TRERF1: variants seen among roughly 807,000 people sequenced by gnomAD.
The protein encoded by TRERF1 is transcriptional regulating factor 1, also known as transcriptional-regulating factor 1.
A neutral mutation model predicts 122.9 loss-of-function variants in TRERF1; 27 were observed. The observed-to-expected ratio is 0.22, with a 90% CI of 0.16 to 0.30. The LOEUF (loss-of-function observed/expected upper bound fraction) is 0.30, where lower values mean the gene tolerates loss of function less well. Among genes scored for constraint, TRERF1 ranks in the 10% least tolerant of loss-of-function variants. The pLI is 1.00. For synonymous variants in TRERF1, 636 were observed against 641.7 expected, an observed-to-expected ratio of 0.99 and a Z score of 0.13; for missense variants, 1,248 against 1,560.3, an observed-to-expected ratio of 0.80 and a Z score of 3.37.
At chr6:42,314,897 AG>A (rs2150381860) in intron 3 of TRERF1, among the ~76,000 whole-genome samples, 1 of 152,332 alleles carries the variant, frequency 6.6e-6, no homozygotes, top group East Asian at 1.9e-4. Context: ...AAAACAAAAC[AG>A]AAGTATAAAC....
chr6:42,436,847 A>ATG (rs1785534274), intron 2 of TRERF1, among the ~76,000 whole-genome samples: 6 of 132,016 alleles, frequency 4.5e-5, no homozygotes, highest in African/African-American at 1.7e-4. Context: ...ATATATATAT[A>ATG]TGAACTACTT....
chr6:42,430,686 G>A (rs1294393168), intron 2 of TRERF1, among the ~76,000 whole-genome samples: 1 of 152,124 alleles, frequency 6.6e-6, no homozygotes, highest in African/African-American at 2.4e-5. Context: ...ACGAGGTCAG[G>A]AGATGGAGAC....
rs567998953 is a variant in TRERF1 at position 42,412,023 on chromosome 6, G to A, written c.-454+39154C>T. 1.1e-4 allele frequency among the ~76,000 whole-genome samples: 12 copies of A among 113,442 alleles called. No individual in the cohort carries two copies. The East Asian group carries it at 2.0e-3, about 19-fold the overall frequency. 74.4% of individuals were successfully genotyped at this position (113,442 alleles called of 152,430 possible). On this transcript the variant is annotated intron_variant, in intron 2 of 17. Coordinates refer to ENST00000372922, the Ensembl canonical transcript of TRERF1. ...TCCTTTTTTTTTTTTTTTTTGAGAC[G>A]GAGTTTTGCTCTTGTTGCCCAGGCT... is the stretch of plus-strand genomic sequence containing the variant.
intron 4 of TRERF1, among the ~76,000 whole-genome samples, chr6:42,299,496 G>A (rs981787092): frequency 7.2e-5 from 11 of 152,098 alleles, no homozygotes; most frequent in African/African-American, 2.7e-4. Context: ...GCATTGCAAG[G>A]AGCAACTGAC....
intron 3 of TRERF1, among the ~76,000 whole-genome samples, chr6:42,322,867 T>A (rs778254635): frequency 4.6e-5 from 7 of 151,976 alleles, no homozygotes; most frequent in Non-Finnish European, 8.8e-5. Context: ...CTCCTACTGG[T>A]GCCTCCTACT....
chr6:42,307,938 G>A (rs1196628491), intron 3 of TRERF1, among the ~76,000 whole-genome samples: 3 of 152,210 alleles, frequency 2.0e-5, no homozygotes, highest in African/African-American at 4.8e-5. Context: ...CACCCACCAG[G>A]TTGGCCACAA....
intron 2 of TRERF1, among the ~76,000 whole-genome samples, chr6:42,397,804 G>C (rs1023005487): frequency 6.6e-6 from 1 of 152,186 alleles, no homozygotes; most frequent in Non-Finnish European, 1.5e-5. Flanking sequence ...TCTGCTCTTA[G>C]AGAAATAATA....
At chr6:42,293,318 A>C (rs1784587885) in intron 4 of TRERF1, among the ~76,000 whole-genome samples, 1 of 152,184 alleles carries the variant, frequency 6.6e-6, no homozygotes, top group Non-Finnish European at 1.5e-5. Flanking sequence ...GGAGGAAGAG[A>C]GAGTTCCAAA....
At chr6:42,404,176 C>T (rs1779845234) in intron 2 of TRERF1, among the ~76,000 whole-genome samples, 1 of 152,196 alleles carries the variant, frequency 6.6e-6, no homozygotes, top group African/African-American at 2.4e-5. Flanking sequence ...ATGCCTCTAA[C>T]TGTAGTTCCC....
chr6:42,285,987 C>T (rs1484596526), intron 4 of TRERF1, among the ~76,000 whole-genome samples: 15 of 151,120 alleles, frequency 9.9e-5, no homozygotes, highest in Non-Finnish European at 1.5e-4. Context: ...GAAATAACGC[C>T]GCATATCTAC....
intron 4 of TRERF1, among the ~76,000 whole-genome samples, chr6:42,290,061 A>G (rs1784039416): frequency 6.6e-6 from 1 of 152,124 alleles, no homozygotes; most frequent in African/African-American, 2.4e-5. Flanking sequence ...AGGCCCAGAG[A>G]GGTTTGTGAG....
chr6:42,261,408 G>C (rs927449412), intron 8 of TRERF1, among the ~76,000 whole-genome samples: 1 of 152,204 alleles, frequency 6.6e-6, no homozygotes, highest in African/African-American at 2.4e-5. Context: ...CACTGGGCAA[G>C]AGAAGCCACC....
intron 2 of TRERF1, among the ~76,000 whole-genome samples, chr6:42,404,386 A>G (rs1447119802): frequency 2.6e-5 from 4 of 151,984 alleles, no homozygotes; most frequent in Non-Finnish European, 4.4e-5. Flanking sequence ...TTCTAGTCCT[A>G]CTTTTTCACT....
intron 2 of TRERF1, among the ~76,000 whole-genome samples, chr6:42,364,027 T>G (rs145792147): frequency 6.6e-6 from 1 of 152,352 alleles, no homozygotes; most frequent in South Asian, 2.1e-4. Context: ...AGAACACTCC[T>G]GTAGTATTTC....
chr6:42,344,035 G>A (rs1234359295), intron 3 of TRERF1, among the ~76,000 whole-genome samples: 5 of 152,234 alleles, frequency 3.3e-5, no homozygotes, highest in African/African-American at 1.2e-4. Context: ...CAGGCAGGAA[G>A]GCACTGCATG....
At chr6:42,250,339 T>C (rs959527337) in intron 13 of TRERF1, among the ~76,000 whole-genome samples, 7 of 152,234 alleles carry the variant, frequency 4.6e-5, no homozygotes, top group African/African-American at 1.7e-4. Context: ...ATCCACAGTC[T>C]CACTGCTGGC....
chr6:42,376,872 A>AT lies in TRERF1; in HGVS notation c.-453-13794dup, dbSNP rs535473994. Among the ~76,000 whole-genome samples, 71 of 140,052 alleles carry AT rather than the reference A, an allele frequency of 5.1e-4. 1 individual carries two copies. The South Asian group carries it at 0.012, about 24-fold the overall frequency. The allele number at this position is 140,052 out of a possible 152,430, so 91.9% of individuals were successfully genotyped here. ...AGCTAACTTTTAAAAAATAAAAACA[A>AT]TTTTTTTTTTGAGACAGAGTTTTGC... On this transcript the variant is annotated intron_variant, in intron 2 of 17. Coordinates refer to ENST00000372922, the Ensembl canonical transcript of TRERF1.
intron 2 of TRERF1, among the ~76,000 whole-genome samples, chr6:42,447,598 A>G (rs1787740896): frequency 6.6e-6 from 1 of 152,246 alleles, no homozygotes; most frequent in East Asian, 1.9e-4. Context: ...GAGGTCGGAA[A>G]TAAAATGAGC....
At chr6:42,423,839 C>T (rs920227950) in intron 2 of TRERF1, among the ~76,000 whole-genome samples, 1 of 152,164 alleles carries the variant, frequency 6.6e-6, no homozygotes, top group Non-Finnish European at 1.5e-5. Context: ...TTGTCACAAA[C>T]ACATTTAAGG....
Sources: gnomAD v4.1 joint callset for allele counts (sites outside exome capture counted in the v4.1 genomes callset) on GRCh38, gnomAD v4.1.1 for gene constraint, MANE v1.5 for transcripts, NCBI Gene and HGNC (gene_info 2026-07-23, HGNC 2026-07-21) for gene names.